The following MBNL2 variants were observed in gnomAD, a reference collection of about 807,000 sequenced individuals.
The protein encoded by MBNL2 is muscleblind-like protein 2.
In MBNL2, 17 loss-of-function variants were observed where a neutral mutation model predicts 41.9. That is an observed-to-expected ratio of 0.41 (90% CI 0.28 to 0.61). The LOEUF (loss-of-function observed/expected upper bound fraction) is 0.61, where lower values mean the gene tolerates loss of function less well. Ranked by LOEUF, MBNL2 falls within the 20% of genes least tolerant of loss-of-function variation. The probability of loss-of-function intolerance (pLI) is 0.35; values close to 1 mark genes in which losing one functional copy is unlikely to be tolerated. For synonymous variants in MBNL2, 195 were observed against 182.9 expected (o/e 1.07, Z -0.53); for missense variants, 336 against 505.6 (o/e 0.66, Z 3.22).
At chr13:97,344,865 T>C (rs139109780) in intron 4 of MBNL2, among the ~76,000 whole-genome samples, 384 of 152,344 alleles carry the variant, frequency 2.5e-3, no homozygotes, top group African/African-American at 9.0e-3. Flanking sequence ...ACAATGATTT[T>C]AGCAGAGCGG....
At chr13:97,262,162 G>A (rs1362893316) in intron 1 of MBNL2, among the ~76,000 whole-genome samples, 2 of 152,170 alleles carry the variant, frequency 1.3e-5, no homozygotes, top group Non-Finnish European at 2.9e-5. Context: ...TGACTTCAGA[G>A]CAGAGAGTGC....
intron 1 of MBNL2, among the ~76,000 whole-genome samples, chr13:97,231,870 G>C (rs1425072656): frequency 1.3e-5 from 2 of 150,898 alleles, no homozygotes; most frequent in African/African-American, 4.9e-5. Flanking sequence ...TCTTCTGGAT[G>C]GTGGTCAGAA....
chr13:97,261,116 C>T (rs2048534376), intron 1 of MBNL2, among the ~76,000 whole-genome samples: 1 of 152,086 alleles, frequency 6.6e-6, no homozygotes, highest in Admixed American at 6.5e-5. Flanking sequence ...TCTTACTGCA[C>T]CTTCTCTGCA....
chr13:97,331,455 A>C (rs1259600080), intron 2 of MBNL2, among the ~76,000 whole-genome samples: 2 of 152,214 alleles, frequency 1.3e-5, no homozygotes, highest in Non-Finnish European at 2.9e-5. Context: ...CCCTATATAT[A>C]CATATCTTAT....
chr13:97,354,049 A>G (rs906666499), intron 5 of MBNL2, among the ~76,000 whole-genome samples: 1 of 151,708 alleles, frequency 6.6e-6, no homozygotes, highest in East Asian at 1.9e-4. Context: ...CAAAAAAAAA[A>G]AAAAAAAGCC....
the MBNL2 span, among the ~76,000 whole-genome samples, chr13:97,197,091 T>C: frequency 6.6e-6 from 1 of 152,210 alleles, no homozygotes. Context: ...AGCCTGCTAC[T>C]TGACTGGGAG....
At chr13:97,296,649 TAC>T (rs557166787) in intron 2 of MBNL2, among the ~76,000 whole-genome samples, 95 of 152,314 alleles carry the variant, frequency 6.2e-4, no homozygotes, top group Middle Eastern at 3.4e-3. Context: ...GATTTTTCTT[TAC>T]CATTTAAATT....
At chr13:97,328,511 G>A (rs1048176256) in intron 2 of MBNL2, among the ~76,000 whole-genome samples, 1 of 152,182 alleles carries the variant, frequency 6.6e-6, no homozygotes, top group African/African-American at 2.4e-5. Context: ...AGCAGCAAGT[G>A]CTGCCAAGGT....
the MBNL2 span, among the ~76,000 whole-genome samples, chr13:97,151,784 T>G: frequency 2.0e-5 from 3 of 152,168 alleles, no homozygotes; most frequent in African/African-American, 7.2e-5. Context: ...GATAATACCT[T>G]TTAGGTAATA....
chr13:97,337,623 A>G (rs772082136), intron 3 of MBNL2, among the ~76,000 whole-genome samples: 6 of 152,080 alleles, frequency 3.9e-5, no homozygotes, highest in Non-Finnish European at 7.4e-5. Flanking sequence ...TCACATATCC[A>G]CCTTTCTACT....
At chr13:97,292,361 C>T (rs1025920519) in intron 2 of MBNL2, among the ~76,000 whole-genome samples, 9 of 152,232 alleles carry the variant, frequency 5.9e-5, no homozygotes, top group Middle Eastern at 3.4e-3. Flanking sequence ...GGTGTAAACC[C>T]AAAGCTTGGG....
At chr13:97,364,408 C>G (rs1320541978) in intron 7 of MBNL2, among the ~76,000 whole-genome samples, 1 of 152,152 alleles carries the variant, frequency 6.6e-6, no homozygotes, top group African/African-American at 2.4e-5. Context: ...AGGCACTACT[C>G]CTTTATCATA....
the MBNL2 span, among the ~76,000 whole-genome samples, chr13:97,196,431 T>G: frequency 1.3e-5 from 2 of 152,202 alleles, no homozygotes; most frequent in African/African-American, 2.4e-5. Flanking sequence ...CAGAAAATTT[T>G]GAGGAACAGA....
chr13:97,355,778 TTATTTTTAGCTGTTTGC>T (rs1341995623), intron 5 of MBNL2, among the ~76,000 whole-genome samples: 1 of 152,232 alleles, frequency 6.6e-6, no homozygotes, highest in Non-Finnish European at 1.5e-5. Flanking sequence ...TTCTTTGCTA[TTATTTTTAGCTGTTTGC>T]TATTTTTAGC....
At position 97,334,133 on chromosome 13, in the gene MBNL2, C is replaced by T; in HGVS notation, c.175-143C>T. 4.0e-6 allele frequency: 2 copies of T among 500,930 alleles called. No individual in the cohort carries two copies. The highest frequency in any genetic ancestry group is 6.8e-6 in the Non-Finnish European group (2 of 293,356). 31.0% of individuals were successfully genotyped at this position (500,930 alleles called of 1,614,324 possible). A position where few individuals can be genotyped will look rare whatever the true frequency, so the allele number is the denominator to read the frequency against. ...CACTTTTCCCCAACAAACACATGAG[C>T]ATGCGCGCGCACACCCACACACACA... On this transcript the variant is annotated intron_variant, in intron 2 of 8. Transcript: ENST00000679496. This position sits in a 1 kb window ranked among gnomAD's most constrained non-coding sequence, Gnocchi z 5.3.
chr13:97,229,150 A>C (rs532814354), intron 1 of MBNL2, among the ~76,000 whole-genome samples: 1 of 148,790 alleles, frequency 6.7e-6, no homozygotes, highest in East Asian at 1.9e-4. Flanking sequence ...TCCTAGATGC[A>C]AGCTTCAATT....
intron 2 of MBNL2, among the ~76,000 whole-genome samples, chr13:97,313,439 C>T (rs1594196382): frequency 6.6e-6 from 1 of 152,270 alleles, no homozygotes; most frequent in East Asian, 1.9e-4. Flanking sequence ...GACATCCCAT[C>T]AAATTTTTTA....
the MBNL2 span, among the ~76,000 whole-genome samples, chr13:97,203,779 C>T: frequency 6.6e-6 from 1 of 152,124 alleles, no homozygotes; most frequent in Non-Finnish European, 1.5e-5. Flanking sequence ...TCCATGAGGA[C>T]CTGTATTTAG....
Position 97,293,818 on chromosome 13 carries a change from ATAGGT to A in MBNL2, c.174+17411_174+17415del, listed in dbSNP as rs559240219. Among the ~76,000 whole-genome samples, 8 of 150,908 alleles carry A rather than the reference ATAGGT, an allele frequency of 5.3e-5. 1 individual carries two copies. The highest frequency in any genetic ancestry group is 5.3e-4 in the Admixed American group (8 of 15,160). On this transcript the variant is annotated intron_variant, in intron 2 of 8. Transcript: ENST00000679496. ...TTTTTGTTTAAAATTTTTTCTTTCC[ATAGGT>A]TTTTGGGGAACAGGTGGTATTTGGT... is the stretch of plus-strand genomic sequence containing the variant.
Sources: allele counts gnomAD v4.1 joint callset (sites outside exome capture counted in the v4.1 genomes callset), GRCh38; gene constraint gnomAD v4.1.1; non-coding constraint Gnocchi (gnomAD v3.1); transcripts MANE v1.5; gene names NCBI Gene and HGNC (gene_info 2026-07-23, HGNC 2026-07-21).